STX18: variants seen among roughly 807,000 people sequenced by gnomAD.
The protein encoded by STX18 is syntaxin 18.
STX18 carries 40 observed loss-of-function variants against 50.1 expected under a neutral mutation model. The observed-to-expected ratio is 0.80, with a 90% CI of 0.62 to 1.04. STX18 has a LOEUF of 1.04. STX18 is among the 50% of genes least tolerant of loss of function. The pLI is 0.00. For missense variants in STX18, 410 were observed against 415.8 expected (o/e 0.99, Z 0.12); for synonymous variants, 158 against 151.8 (o/e 1.04, Z -0.30).
chr4:4,457,830 T>C (rs984749998), intron 3 of STX18, among the ~76,000 whole-genome samples: 3 of 152,226 alleles, frequency 2.0e-5, no homozygotes, highest in African/African-American at 7.2e-5. Flanking sequence ...TCAGCGAACA[T>C]GTTTAAACAA....
rs1158379098 is a variant in STX18 at position 4,485,029 on chromosome 4, G to T, written c.169-13323C>A. Among the ~76,000 whole-genome samples the T allele has an allele frequency of 2.0e-5, 3 of 152,224 alleles. No homozygotes were observed. In the East Asian group the frequency reaches 5.8e-4, roughly 29 times the overall value. ...CCAAACCCCATCTGGTCTGGAGGCTGTGTGTGGAGAGTGTGCATGCATGCT... is the reference window on the plus strand; with the variant it reads ...CCAAACCCCATCTGGTCTGGAGGCTTTGTGTGGAGAGTGTGCATGCATGCT... On this transcript the variant is annotated intron_variant, in intron 1 of 10. Transcript: ENST00000306200.
At chr4:4,421,033 T>C in intron 9 of STX18, 89 bp from the exon 10 acceptor site, 6 of 1,290,086 alleles carry the variant, frequency 4.7e-6, no homozygotes, top group Non-Finnish European at 6.7e-6. Flanking sequence ...CCTTTGAGTG[T>C]CATGTCAGCG....
chr4:4,462,762 G>T (rs1727447170), intron 2 of STX18, among the ~76,000 whole-genome samples: 1 of 152,142 alleles, frequency 6.6e-6, no homozygotes, highest in Non-Finnish European at 1.5e-5. Flanking sequence ...ATGCCTCGGG[G>T]ACAACAGTTC....
chr4:4,421,612 C>G (rs1724970805), intron 9 of STX18, among the ~76,000 whole-genome samples: 1 of 152,182 alleles, frequency 6.6e-6, no homozygotes, highest in Non-Finnish European at 1.5e-5. Context: ...TCCTGCGCCA[C>G]TCGCCGGTGA....
intron 6 of STX18, 113 bp downstream of exon 6, chr4:4,438,281 A>G: frequency 1.2e-6 from 1 of 829,136 alleles, no homozygotes; most frequent in East Asian, 2.6e-5. Context: ...TGCTTTATGC[A>G]AATACAAACA....
At chr4:4,424,820 A>C (rs987300954) in intron 8 of STX18, among the ~76,000 whole-genome samples, 2 of 152,184 alleles carry the variant, frequency 1.3e-5, no homozygotes, top group African/African-American at 4.8e-5. Flanking sequence ...GCTGCCCTTC[A>C]TAAGGGCCCC....
intron 9 of STX18, 93 bp downstream of exon 9, chr4:4,423,425 T>C: frequency 1.6e-6 from 2 of 1,222,974 alleles, no homozygotes; most frequent in South Asian, 1.2e-5. Context: ...CCTGGCTGTG[T>C]AGAGCAGCAG....
chr4:4,488,650 A>G (rs1728802226), intron 1 of STX18, among the ~76,000 whole-genome samples: 1 of 152,208 alleles, frequency 6.6e-6, no homozygotes, highest in Admixed American at 6.5e-5. Flanking sequence ...GCCTAGTTTT[A>G]AGATGATTTG....
At chr4:4,448,772 G>A (rs563087541) in intron 5 of STX18, among the ~76,000 whole-genome samples, 2 of 152,298 alleles carry the variant, frequency 1.3e-5, no homozygotes, top group South Asian at 2.1e-4. Flanking sequence ...CTGGCACACA[G>A]TAGGTGCTCC....
Position 4,444,812 on chromosome 4 carries a change from T to C in STX18, c.498-6303A>G, listed in dbSNP as rs142149687. Among the ~76,000 whole-genome samples the C allele has an allele frequency of 2.1e-3, 325 of 151,866 alleles. 6 individuals carry two copies. The highest frequency in any genetic ancestry group is 0.011 in the East Asian group (58 of 5,182). On this transcript the variant is annotated intron_variant, in intron 5 of 10. Coordinates refer to ENST00000306200, the MANE Select transcript of STX18 (RefSeq NM_016930.4). ...CACATAAAAAAATGAACCACAAATA[T>C]GAAAACAAACTAACAAACAAATAAA...
At chr4:4,430,189 G>A (rs187999295) in intron 7 of STX18, among the ~76,000 whole-genome samples, 2 of 152,032 alleles carry the variant, frequency 1.3e-5, no homozygotes, top group African/African-American at 4.8e-5. Flanking sequence ...TGTTCCTTTG[G>A]GTGAAACAAT....
Position 4,419,705 on chromosome 4 carries a change from CCTG to C in STX18, c.*326_*328del, listed in dbSNP as rs1560152415. 1 of 227,352 alleles carries C rather than the reference CCTG, an allele frequency of 4.4e-6. No homozygotes were observed. The highest frequency in any genetic ancestry group is 2.3e-5 in the African/African-American group (1 of 44,358). 14.1% of individuals were successfully genotyped at this position (227,352 alleles called of 1,614,324 possible). Reference sequence around the variant, plus strand: ...CTGAGACAATTAGGGGCTCTTGAGGCCTGCTGTGCCCCTGCTGCCAAGGCAGCC... The same window carrying C: ...CTGAGACAATTAGGGGCTCTTGAGGCCTGTGCCCCTGCTGCCAAGGCAGCC... On this transcript the variant is annotated 3_prime_UTR_variant, in exon 11 of 11. Transcript: ENST00000306200.
chr4:4,437,589 T>C (rs1725854426), intron 6 of STX18: 1 of 984,040 alleles, frequency 1.0e-6, no homozygotes, highest in Non-Finnish European at 1.2e-6. Context: ...CTGTAATTTC[T>C]GTGACATGTC....
In STX18 at chr4:4,419,057, T is replaced by G. The variant is rs2108763157; in HGVS notation, c.*977A>C. ...TCTGTGCAAATAAAGAACATGAGGA[T>G]ACCTGTGCTGCCCAGTGGACTGTCT... On this transcript the variant is annotated 3_prime_UTR_variant, in exon 11 of 11. Transcript: ENST00000306200. 1 of 152,380 alleles carries G rather than the reference T, an allele frequency of 6.6e-6. No homozygotes were observed. Among genetic ancestry groups the G allele is most frequent in the Non-Finnish European group, 1.5e-5 (1 of 68,040 alleles). 9.4% of individuals were successfully genotyped at this position (152,380 alleles called of 1,614,324 possible). A position where few individuals can be genotyped will look rare whatever the true frequency, so the allele number is the denominator to read the frequency against.
chr4:4,517,171 T>C (rs959757175), intron 1 of STX18, among the ~76,000 whole-genome samples: 33 of 152,342 alleles, frequency 2.2e-4, no homozygotes, highest in African/African-American at 7.2e-4. Flanking sequence ...ACCAGCGGTA[T>C]TGGGGCTCGT....
Position 4,420,218 on chromosome 4 carries a change from C to A in STX18, c.913-89G>T, listed in dbSNP as rs868088171. 15 of 1,014,060 alleles carry A rather than the reference C, an allele frequency of 1.5e-5. No homozygotes were observed. Among genetic ancestry groups the A allele is most frequent in the Middle Eastern group, 4.1e-4 (2 of 4,920 alleles). The allele number at this position is 1,014,060 out of a possible 1,614,324, so 62.8% of individuals were successfully genotyped here. On this transcript the variant is annotated intron_variant, in intron 10 of 10. Transcript: ENST00000306200. The surrounding 1 kb of genome is among the most constrained non-coding windows in gnomAD (Gnocchi z 4.3). ...ATGCCCCCCTCTTCCCACGTGCTCT[C>A]CTGATCCTGGCTGTAACTATGGGTG...
intron 8 of STX18, 170 bp from the exon 9 acceptor site, chr4:4,423,757 C>T (rs1725092322): frequency 3.1e-6 from 2 of 645,522 alleles, no homozygotes; most frequent in South Asian, 1.9e-5. Context: ...ACTCTCCTTA[C>T]TGGGTCACCT....
At chr4:4,430,821 G>T (rs1255075744) in intron 7 of STX18, among the ~76,000 whole-genome samples, 2 of 152,176 alleles carry the variant, frequency 1.3e-5, no homozygotes, top group East Asian at 3.8e-4. Flanking sequence ...TCCAGCGCTT[G>T]AGACAATTCT....
In STX18 at chr4:4,538,510, G is replaced by A. The variant is rs149023413; in HGVS notation, c.168+3287C>T. On this transcript the variant is annotated intron_variant, in intron 1 of 10. Transcript: ENST00000306200. ...AAAGTGCAAGAAAACTAAGTGGTTT[G>A]GAAAATACAGCTTGGTGCCACTAAA... Among the ~76,000 whole-genome samples, 349 of 151,324 alleles carry A rather than the reference G, an allele frequency of 2.3e-3. 2 individuals are homozygous for A. The highest frequency in any genetic ancestry group is 7.9e-3 in the African/African-American group (327 of 41,194).
Sources: allele counts gnomAD v4.1 joint callset (sites outside exome capture counted in the v4.1 genomes callset), GRCh38; gene constraint gnomAD v4.1.1; non-coding constraint Gnocchi (gnomAD v3.1); transcripts MANE v1.5; gene names NCBI Gene and HGNC (gene_info 2026-07-23, HGNC 2026-07-21).